ERLEC1: variants seen among roughly 807,000 people sequenced by gnomAD.
ERLEC1 encodes endoplasmic reticulum lectin 1, also known as ER lectin.
Under a neutral mutation model 68.0 loss-of-function variants are expected in ERLEC1, and 47 were observed. That is an observed-to-expected ratio of 0.69 (90% CI 0.55 to 0.88). ERLEC1 has a LOEUF of 0.88. Among genes scored for constraint, ERLEC1 ranks in the 40% least tolerant of loss-of-function variants. The pLI, the probability that ERLEC1 is intolerant of heterozygous loss-of-function variation, is 0.00. For missense variants in ERLEC1, 567 were observed against 583.8 expected (o/e 0.97, Z 0.30); for synonymous variants, 225 against 203.2 (o/e 1.11, Z -0.91).
At chr2:53,816,353 G>A (rs1431561374) in intron 13 of ERLEC1, among the ~76,000 whole-genome samples, 2 of 144,022 alleles carry the variant, frequency 1.4e-5, no homozygotes, top group Admixed American at 7.3e-5. Flanking sequence ...TGCAACCTCC[G>A]CCTCCTGGGT....
chr2:53,813,009 G>C lies in ERLEC1; in HGVS notation c.1162G>C (p.Glu388Gln). 6.2e-7 allele frequency: 1 copy of C among 1,613,874 alleles called. No individual in the cohort carries two copies. ...GACATGGAACCAAGAAGAGCATATT[G>C]AATGGGCTAAGAAGAATACTGCTAG... ...VGTWNQEEHI[E>Q]WAKKNTARAY... The change falls in exon 11 of 14, where the codon GAA becomes CAA. Residue 388 changes from glutamate (E) to glutamine (Q), a missense_variant. Transcript: ENST00000185150.
chr2:53,793,559 T>A (rs1675525410), intron 1 of ERLEC1, among the ~76,000 whole-genome samples: 1 of 152,138 alleles, frequency 6.6e-6, no homozygotes, highest in South Asian at 2.1e-4. Context: ...TAATAAGTGC[T>A]CAGTGATGGT....
intron 1 of ERLEC1, among the ~76,000 whole-genome samples, chr2:53,790,479 G>A (rs1675332355): frequency 6.6e-6 from 1 of 152,160 alleles, no homozygotes; most frequent in African/African-American, 2.4e-5. Flanking sequence ...AACTGAAATT[G>A]GAAGAGACTG....
Position 53,797,504 on chromosome 2 carries a change from A to T in ERLEC1, c.349-11A>T. On this transcript the variant is annotated splice_polypyrimidine_tract_variant and intron_variant, in intron 3 of 13. Transcript: ENST00000185150. ...GGCTTTTGTGCATTGAAATATATCC[A>T]TCTTTTTTAGATTGAGTCTTATTGG... 6.2e-7 allele frequency: 1 copy of T among 1,600,706 alleles called. No individual in the cohort carries two copies. The highest frequency in any genetic ancestry group is 8.5e-7 in the Non-Finnish European group (1 of 1,173,012).
chr2:53,799,113 A>T, intron 6 of ERLEC1, 32 bp downstream of exon 6: 1 of 1,595,356 alleles, frequency 6.3e-7, no homozygotes. Flanking sequence ...TTTTCCTCTT[A>T]ACACTTATTG....
intron 10 of ERLEC1, among the ~76,000 whole-genome samples, chr2:53,811,758 C>T (rs1445654860): frequency 1.3e-5 from 2 of 152,166 alleles, no homozygotes; most frequent in African/African-American, 2.4e-5. Flanking sequence ...GCTCCATATC[C>T]AACCTCTTAA....
intron 1 of ERLEC1, among the ~76,000 whole-genome samples, chr2:53,792,043 C>T (rs1421537928): frequency 2.6e-5 from 4 of 151,920 alleles, no homozygotes; most frequent in Admixed American, 2.6e-4. Flanking sequence ...TCCCGAGTAG[C>T]TGGGAGTACA....
rs1176684040 is a variant in ERLEC1 at position 53,801,737 on chromosome 2, C to T, written c.774C>T (p.Asp258=). The change falls in exon 8 of 14, where the codon GAC becomes GAT. Residue 258 remains aspartate, a synonymous_variant. Coordinates refer to ENST00000185150, the MANE Select transcript of ERLEC1 (RefSeq NM_015701.5). ...GGTTCAGAGCATCTCCTGTGAATGACATATTTTGTCAATCACTGCCAGGAT... is the reference window on the plus strand; with the variant it reads ...GGTTCAGAGCATCTCCTGTGAATGATATATTTTGTCAATCACTGCCAGGAT... The part of the protein sequence containing the change: ...KYRFRASPVN[D]IFCQSLPGSP... 2 of 1,614,020 alleles carry T rather than the reference C, an allele frequency of 1.2e-6. No homozygotes were observed. Among genetic ancestry groups the T allele is most frequent in the Non-Finnish European group, 1.7e-6 (2 of 1,179,958 alleles).
chr2:53,804,330 G>A (rs1341047616), intron 8 of ERLEC1, among the ~76,000 whole-genome samples: 1 of 151,916 alleles, frequency 6.6e-6, no homozygotes, highest in Non-Finnish European at 1.5e-5. Context: ...TTGGCTCACT[G>A]TGGCGCAATC....
chr2:53,801,714 T>C lies in ERLEC1; in HGVS notation c.751T>C (p.Phe251Leu). 1.2e-6 allele frequency: 2 copies of C among 1,614,044 alleles called. No individual in the cohort carries two copies. The change falls in exon 8 of 14, where the codon TTC (phenylalanine) becomes CTC (leucine). Residue 251 changes from phenylalanine to leucine, a missense_variant and splice_region_variant. By Grantham distance (22) the Phe-to-Leu change is conservative (BLOSUM62 0). Coordinates refer to ENST00000185150, the MANE Select transcript of ERLEC1 (RefSeq NM_015701.5). ...PLLCSHPKYRFRASPVNDIFC... is the reference protein window; with the variant it reads ...PLLCSHPKYRLRASPVNDIFC... ...TAATGCTTTGTTCCTACTGAACAGGTTCAGAGCATCTCCTGTGAATGACAT... is the reference window on the plus strand; with the variant it reads ...TAATGCTTTGTTCCTACTGAACAGGCTCAGAGCATCTCCTGTGAATGACAT...
At chr2:53,804,863 A>G (rs550197279) in intron 8 of ERLEC1, among the ~76,000 whole-genome samples, 4 of 151,800 alleles carry the variant, frequency 2.6e-5, no homozygotes, top group Admixed American at 2.6e-4. Context: ...CATGCATTCA[A>G]TTGTTTTGAT....
In ERLEC1 at chr2:53,818,721, A is replaced by C. The variant is rs1677028763; in HGVS notation, c.*752A>C. ...TGCTGTCTATCCCTTGTACTTGCCT[A>C]CTGTAATATGGATTTCACTTCTGAA... is the stretch of plus-strand genomic sequence containing the variant. On this transcript the variant is annotated 3_prime_UTR_variant, in exon 14 of 14. Transcript: ENST00000185150. The C allele has an allele frequency of 1.3e-5, 2 of 152,232 alleles. No homozygotes were observed. Among genetic ancestry groups the C allele is most frequent in the Non-Finnish European group, 2.9e-5 (2 of 68,038 alleles). 9.4% of individuals were successfully genotyped at this position (152,232 alleles called of 1,614,324 possible).
chr2:53,800,546 T>G (rs1246462054), intron 6 of ERLEC1, among the ~76,000 whole-genome samples: 2 of 152,122 alleles, frequency 1.3e-5, no homozygotes, highest in Non-Finnish European at 2.9e-5. Flanking sequence ...CATTTTTTCC[T>G]GAAAACATTA....
intron 8 of ERLEC1, among the ~76,000 whole-genome samples, chr2:53,808,092 G>A (rs976293184): frequency 6.6e-6 from 1 of 152,096 alleles, no homozygotes; most frequent in East Asian, 1.9e-4. Flanking sequence ...GTTTAGGATG[G>A]TCGTAACTGA....
intron 13 of ERLEC1, among the ~76,000 whole-genome samples, chr2:53,815,975 G>A (rs1403877292): frequency 2.0e-5 from 3 of 151,866 alleles, no homozygotes; most frequent in Admixed American, 6.6e-5. Context: ...TCTGTCTGTG[G>A]CTTGCCTATT....
chr2:53,797,117 A>T (rs889091031), intron 3 of ERLEC1, among the ~76,000 whole-genome samples: 2 of 151,862 alleles, frequency 1.3e-5, no homozygotes, highest in Middle Eastern at 3.4e-3. Context: ...CTGGTCTCGA[A>T]CTCCTGGTCT....
intron 13 of ERLEC1, 50 bp downstream of exon 13, chr2:53,814,985 ATTTTTTTTTC>A (rs2104341935): frequency 1.0e-6 from 1 of 967,224 alleles, no homozygotes; most frequent in Non-Finnish European, 1.5e-6. Context: ...CCATGTTTTA[ATTTTTTTTTC>A]TTTTTTTTTT....
At chr2:53,809,782 A>T (rs1676490516) in intron 10 of ERLEC1, among the ~76,000 whole-genome samples, 1 of 152,082 alleles carries the variant, frequency 6.6e-6, no homozygotes, top group South Asian at 2.1e-4. Flanking sequence ...GAGGCCGGGC[A>T]CAGTGGCTCA....
chr2:53,799,081 G>C lies in ERLEC1; in HGVS notation c.525G>C (p.Glu175Asp). ...CAGAAGAAAAGGAAAAATCAAATGA[G>C]GCAAGTGACAGATGTTGATTTTTTT... is the stretch of plus-strand genomic sequence containing the variant. ...REAEEKEKSN[E>D]IPTKNIEGQM... Residue 175 changes from glutamate to aspartate, a missense_variant and splice_region_variant, in exon 6 of 14, where the codon GAG (glutamate) becomes GAC (aspartate). Physicochemically the swap from Glu to Asp is conservative, Grantham distance 45. Coordinates refer to ENST00000185150, the MANE Select transcript of ERLEC1 (RefSeq NM_015701.5). 1 of 1,611,528 alleles carries C rather than the reference G, an allele frequency of 6.2e-7. No individual in the cohort carries two copies. Among genetic ancestry groups the C allele is most frequent in the Non-Finnish European group, 8.5e-7 (1 of 1,178,476 alleles).
Sources: gnomAD v4.1 joint callset for allele counts (sites outside exome capture counted in the v4.1 genomes callset) on GRCh38, gnomAD v4.1.1 for gene constraint, MANE v1.5 for transcripts, NCBI Gene and HGNC (gene_info 2026-07-23, HGNC 2026-07-21) for gene names.